WASF3: variants seen among roughly 807,000 people sequenced by gnomAD.
The protein encoded by WASF3 is actin-binding protein WASF3.
A neutral mutation model predicts 46.6 loss-of-function variants in WASF3; 11 were observed. That is an observed-to-expected ratio of 0.24 (90% confidence interval 0.15 to 0.39). WASF3 has a LOEUF of 0.39. Among genes scored for constraint, WASF3 ranks in the 10% least tolerant of loss-of-function variants. The pLI is 1.00. For missense variants in WASF3, 576 were observed against 669.8 expected (o/e 0.86, Z 1.55); for synonymous variants, 242 against 259.7 (o/e 0.93, Z 0.65).
chr13:26,563,581 G>C (rs1879366983), intron 1 of WASF3, among the ~76,000 whole-genome samples: 1 of 150,058 alleles, frequency 6.7e-6, no homozygotes, highest in East Asian at 2.0e-4. Context: ...CTTGAACCCG[G>C]GAGGCAGAGG....
chr13:26,607,349 A>G (rs1396223932), intron 1 of WASF3, among the ~76,000 whole-genome samples: 1 of 152,220 alleles, frequency 6.6e-6, no homozygotes, highest in Admixed American at 6.5e-5. Flanking sequence ...TTGTGATTCT[A>G]GCATTGAATC....
intron 1 of WASF3, among the ~76,000 whole-genome samples, chr13:26,560,579 A>G (rs968035645): frequency 5.3e-5 from 8 of 152,228 alleles, no homozygotes; most frequent in African/African-American, 1.9e-4. Flanking sequence ...AAAATAAGAG[A>G]CAGACGCTTT....
the WASF3 span, among the ~76,000 whole-genome samples, chr13:26,552,256 T>C: frequency 5.9e-5 from 9 of 152,242 alleles, no homozygotes; most frequent in African/African-American, 2.4e-5. Context: ...ATAGATGTTA[T>C]GAAGGTTAAA....
chr13:26,561,494 AG>A (rs898037213), intron 1 of WASF3, among the ~76,000 whole-genome samples: 9 of 152,094 alleles, frequency 5.9e-5, no homozygotes, highest in African/African-American at 2.2e-4. Flanking sequence ...TCAGGTGCTG[AG>A]GGGACAGTGT....
Position 26,559,380 on chromosome 13 carries a change from T to G in WASF3, c.-109+1561T>G, listed in dbSNP as rs141492139. ...TTCCAGTTGGCTGACATGAAGTTGC[T>G]TAATAGCATTTGTTTTTAAAAAATC... On this transcript the variant is annotated intron_variant, in intron 1 of 9. Transcript: ENST00000335327. Among the ~76,000 whole-genome samples, 968 of 152,388 alleles carry G rather than the reference T, an allele frequency of 6.4e-3. 15 individuals are homozygous for G. Among genetic ancestry groups the G allele is most frequent in the African/African-American group, 0.022 (925 of 41,596 alleles).
intron 2 of WASF3, among the ~76,000 whole-genome samples, chr13:26,637,826 G>A (rs1327783149): frequency 6.6e-6 from 1 of 152,214 alleles, no homozygotes; most frequent in Admixed American, 6.5e-5. Flanking sequence ...AGAGTGGTCT[G>A]TGAGCATGTC....
chr13:26,652,502 T>C (rs1244456077), intron 3 of WASF3, among the ~76,000 whole-genome samples: 1 of 152,192 alleles, frequency 6.6e-6, no homozygotes, highest in Non-Finnish European at 1.5e-5. Context: ...TTGAACAATA[T>C]ACCAGCCAGT....
At chr13:26,605,754 T>G (rs138483813) in intron 1 of WASF3, among the ~76,000 whole-genome samples, 1,668 of 152,290 alleles carry the variant, frequency 0.011, 14 homozygotes, top group African/African-American at 0.024. Context: ...CGAGTTTTCC[T>G]TTGGAAACCA....
chr13:26,583,395 C>T (rs1266303581), intron 1 of WASF3, among the ~76,000 whole-genome samples: 1 of 152,142 alleles, frequency 6.6e-6, no homozygotes, highest in Non-Finnish European at 1.5e-5. Flanking sequence ...GTCTAGGGCT[C>T]CTTCTCCTAT....
rs1264464944 is a variant in WASF3 at position 26,688,007 on chromosome 13, C to T, written c.*2162C>T. 1.3e-5 allele frequency: 2 copies of T among 151,630 alleles called. No individual in the cohort carries two copies. Among genetic ancestry groups the T allele is most frequent in the Non-Finnish European group, 2.9e-5 (2 of 68,010 alleles). 9.4% of individuals were successfully genotyped at this position (151,630 alleles called of 1,614,324 possible). A position where few individuals can be genotyped will look rare whatever the true frequency, so the allele number is the denominator to read the frequency against. On this transcript the variant is annotated 3_prime_UTR_variant, in exon 10 of 10. Transcript: ENST00000335327. ...ACTTTATTCATAAATATTCATGAGCCTGTTAATTGTTAGTTGTCTTCCTGT... is the reference window on the plus strand; with the variant it reads ...ACTTTATTCATAAATATTCATGAGCTTGTTAATTGTTAGTTGTCTTCCTGT...
chr13:26,606,934 G>A (rs962375224), intron 1 of WASF3: 3 of 152,222 alleles, frequency 2.0e-5, no homozygotes, highest in Non-Finnish European at 2.9e-5. Context: ...ATGAGAGAGA[G>A]ACCACATTCA....
At chr13:26,636,265 A>C (rs1744238730) in intron 2 of WASF3, among the ~76,000 whole-genome samples, 1 of 152,232 alleles carries the variant, frequency 6.6e-6, no homozygotes, top group Non-Finnish European at 1.5e-5. Flanking sequence ...GGTTGATCTC[A>C]GACTGCTGCA....
intron 1 of WASF3, among the ~76,000 whole-genome samples, chr13:26,592,081 T>G (rs1880319855): frequency 6.7e-6 from 1 of 149,376 alleles, no homozygotes; most frequent in Non-Finnish European, 1.5e-5. Context: ...TATTTTGGGC[T>G]TTGCTTGATT....
Position 26,685,910 on chromosome 13 carries a change from A to G in WASF3, c.*65A>G, listed in dbSNP as rs908757236. ...AAGATTTTAAGTGGTCTCTACACCC[A>G]AATAGTGGTATTCTAATCCCGTAGC... On this transcript the variant is annotated 3_prime_UTR_variant, in exon 10 of 10. Coordinates refer to ENST00000335327, the MANE Select transcript of WASF3 (RefSeq NM_006646.6). The G allele has an allele frequency of 6.3e-7, 1 of 1,575,830 alleles. No homozygotes were observed. The highest frequency in any genetic ancestry group is 8.7e-7 in the Non-Finnish European group (1 of 1,153,256).
At chr13:26,672,855 A>C (rs745373976) in intron 6 of WASF3, among the ~76,000 whole-genome samples, 1 of 152,182 alleles carries the variant, frequency 6.6e-6, no homozygotes, top group African/African-American at 2.4e-5. Context: ...CGAAAACAGC[A>C]TTAAAGGGAA....
At chr13:26,662,821 A>T (rs1461671362) in intron 3 of WASF3, among the ~76,000 whole-genome samples, 1 of 152,254 alleles carries the variant, frequency 6.6e-6, no homozygotes, top group East Asian at 1.9e-4. Flanking sequence ...TTTTTTAAAA[A>T]ACCGGGGAAA....
chr13:26,623,956 T>G (rs1157846278), intron 2 of WASF3, among the ~76,000 whole-genome samples: 1 of 152,220 alleles, frequency 6.6e-6, no homozygotes, highest in Non-Finnish European at 1.5e-5. Context: ...CCTCAAACCC[T>G]GACTAGGTTG....
chr13:26,634,129 C>G (rs1043517848), intron 2 of WASF3, among the ~76,000 whole-genome samples: 13 of 152,084 alleles, frequency 8.5e-5, no homozygotes, highest in Admixed American at 3.9e-4. Context: ...TCTAAGTCTC[C>G]TTGTAGGTCT....
intron 1 of WASF3, among the ~76,000 whole-genome samples, chr13:26,605,838 G>A (rs1250902722): frequency 6.6e-6 from 1 of 152,098 alleles, no homozygotes; most frequent in Non-Finnish European, 1.5e-5. Context: ...ACTTTTTGTT[G>A]TGGTAATGAA....
Sources: gnomAD v4.1 joint callset for allele counts (sites outside exome capture counted in the v4.1 genomes callset) on GRCh38, gnomAD v4.1.1 for gene constraint, MANE v1.5 for transcripts, NCBI Gene and HGNC (gene_info 2026-07-23, HGNC 2026-07-21) for gene names.